CLVS2: variants seen among roughly 807,000 people sequenced by gnomAD.
CLVS2 encodes the protein clavesin 2.
A neutral mutation model predicts 29.0 loss-of-function variants in CLVS2; 19 were observed. The observed-to-expected ratio is 0.66, with a 90% CI of 0.46 to 0.96. The LOEUF is 0.96. Among genes scored for constraint, CLVS2 ranks in the 40% least tolerant of loss-of-function variants. The probability of loss-of-function intolerance (pLI) is 0.00; values close to 1 mark genes in which losing one functional copy is unlikely to be tolerated. For missense variants in CLVS2, 294 were observed against 404.1 expected (o/e 0.73, Z 2.34); for synonymous variants, 161 against 151.3 (o/e 1.06, Z -0.47).
chr6:123,053,554 A>G (rs948944685), intron 4 of CLVS2, among the ~76,000 whole-genome samples: 1 of 152,218 alleles, frequency 6.6e-6, no homozygotes, highest in Non-Finnish European at 1.5e-5. Context: ...AAGGACCTTG[A>G]CAAAAGTTGT....
intron 2 of CLVS2, among the ~76,000 whole-genome samples, chr6:123,005,085 G>A (rs992896061): frequency 1.1e-4 from 16 of 152,120 alleles, no homozygotes; most frequent in Middle Eastern, 3.4e-3. Context: ...TTTTTCCTAA[G>A]GTGATTTAAA....
chr6:123,015,537 T>C (rs2114313343), intron 3 of CLVS2, among the ~76,000 whole-genome samples: 1 of 152,224 alleles, frequency 6.6e-6, no homozygotes, highest in East Asian at 1.9e-4. Flanking sequence ...ATGTCTTTCA[T>C]GAATCTTGTT....
Position 123,068,350 on chromosome 6 carries a change from T to A in CLVS2, c.*4589T>A, listed in dbSNP as rs1349137020. The A allele has an allele frequency of 6.6e-6, 1 of 151,692 alleles. No homozygotes were observed. Among genetic ancestry groups the A allele is most frequent in the African/African-American group, 2.4e-5 (1 of 41,404 alleles). The allele number at this position is 151,692 out of a possible 1,614,324, so 9.4% of individuals were successfully genotyped here. On this transcript the variant is annotated 3_prime_UTR_variant, in exon 6 of 6. Transcript: ENST00000275162. ...TATTTGACTTAGATTTAAGTCTCAG[T>A]GCAAATATGTCTGTCCTTGATATAG...
At chr6:123,034,834 C>T (rs1417360199) in intron 3 of CLVS2, among the ~76,000 whole-genome samples, 2 of 151,982 alleles carry the variant, frequency 1.3e-5, no homozygotes, top group Admixed American at 1.3e-4. Flanking sequence ...GCAAGGGGTG[C>T]ATGGGACCAC....
intron 2 of CLVS2, among the ~76,000 whole-genome samples, chr6:123,001,023 CA>C (rs1774581795): frequency 6.6e-6 from 1 of 152,184 alleles, no homozygotes; most frequent in Non-Finnish European, 1.5e-5. Flanking sequence ...ATTGATCTAA[CA>C]AAAAGACTGT....
At chr6:123,012,638 A>G (rs867301696) in intron 3 of CLVS2, among the ~76,000 whole-genome samples, 14 of 152,024 alleles carry the variant, frequency 9.2e-5, no homozygotes, top group African/African-American at 3.4e-4. Flanking sequence ...TGTTAGCTGT[A>G]ACTACTATCA....
rs146155162 is a variant in CLVS2 at position 123,062,564 on chromosome 6, C to T, written c.897-1110C>T. 2.6e-3 allele frequency among the ~76,000 whole-genome samples: 396 copies of T among 152,132 alleles called. 1 individual carries two copies. The highest frequency in any genetic ancestry group is 8.7e-3 in the African/African-American group (363 of 41,524). The stretch of plus-strand genomic sequence containing the variant: ...ATGACACTTAGGAAACAAAATCTCT[C>T]AATTTTTTAATGCTTTCACCTTCAT... On this transcript the variant is annotated intron_variant, in intron 5 of 5. Transcript: ENST00000275162.
Position 123,048,752 on chromosome 6 carries a change from T to A in CLVS2, c.675+20T>A, listed in dbSNP as rs749899858. On this transcript the variant is annotated intron_variant, in intron 4 of 5. Transcript: ENST00000275162. ...AAAAGGGTATTCTTTTCTTTGATTTTTAATCCTTTCTCTTCCGCCATCCAA... is the reference window on the plus strand; with the variant it reads ...AAAAGGGTATTCTTTTCTTTGATTTATAATCCTTTCTCTTCCGCCATCCAA... 5 of 1,507,460 alleles carry A rather than the reference T, an allele frequency of 3.3e-6. No homozygotes were observed. In the South Asian group the frequency reaches 4.5e-5, roughly 14 times the overall value. 93.4% of individuals were successfully genotyped at this position (1,507,460 alleles called of 1,614,324 possible). A position where few individuals can be genotyped will look rare whatever the true frequency, so the allele number is the denominator to read the frequency against.
rs1772871996 is a variant in CLVS2 at position 123,066,950 on chromosome 6, C to T, written c.*3189C>T. The T allele has an allele frequency of 6.6e-6, 1 of 151,654 alleles. No homozygotes were observed. The highest frequency in any genetic ancestry group is 1.5e-5 in the Non-Finnish European group (1 of 67,738). 9.4% of individuals were successfully genotyped at this position (151,654 alleles called of 1,614,324 possible). A position where few individuals can be genotyped will look rare whatever the true frequency, so the allele number is the denominator to read the frequency against. ...GTACATGTTAATGATAAACGTGGCA[C>T]TAGGCTAAAACGATATACGAGTATT... On this transcript the variant is annotated 3_prime_UTR_variant, in exon 6 of 6. Transcript: ENST00000275162.
chr6:123,019,252 G>T (rs1774888521), intron 3 of CLVS2, among the ~76,000 whole-genome samples: 1 of 152,008 alleles, frequency 6.6e-6, no homozygotes, highest in Non-Finnish European at 1.5e-5. Flanking sequence ...GGAGGAATGG[G>T]TGGGCACCTG....
At chr6:123,004,318 C>G (rs1020119802) in intron 2 of CLVS2, among the ~76,000 whole-genome samples, 4 of 152,184 alleles carry the variant, frequency 2.6e-5, no homozygotes, top group African/African-American at 9.7e-5. Flanking sequence ...ATTTTGCCCG[C>G]AGATGTTTCA....
chr6:122,999,076 A>G (rs995418143), intron 2 of CLVS2, among the ~76,000 whole-genome samples: 11 of 152,222 alleles, frequency 7.2e-5, no homozygotes, highest in African/African-American at 2.7e-4. Context: ...GTTTCAATTA[A>G]GTTCAAAGTT....
intron 3 of CLVS2, among the ~76,000 whole-genome samples, chr6:123,047,628 A>C (rs1369728442): frequency 4.6e-5 from 7 of 152,212 alleles, no homozygotes; most frequent in African/African-American, 1.7e-4. Flanking sequence ...TTTAAATTGA[A>C]AAAATACAAT....
intron 3 of CLVS2, among the ~76,000 whole-genome samples, chr6:123,046,795 T>C (rs149665963): frequency 6.6e-6 from 1 of 152,262 alleles, no homozygotes; most frequent in African/African-American, 2.4e-5. Flanking sequence ...CTTTTTGCCA[T>C]AAAGTACCAA....
intron 5 of CLVS2, among the ~76,000 whole-genome samples, chr6:123,059,910 G>A (rs1772750605): frequency 6.6e-6 from 1 of 152,144 alleles, no homozygotes; most frequent in Non-Finnish European, 1.5e-5. Flanking sequence ...TTTCCTGCTG[G>A]TGTCATGGGC....
In CLVS2 at chr6:123,067,609, G is replaced by A. The variant is rs1354562790; in HGVS notation, c.*3848G>A. ...AATAAAATGAGCAGAGCTCTAGCAT[G>A]ATATTTGAACTTTCAGATATGGTAT... On this transcript the variant is annotated 3_prime_UTR_variant, in exon 6 of 6. Coordinates refer to ENST00000275162, the MANE Select transcript of CLVS2 (RefSeq NM_001010852.4). The A allele has an allele frequency of 6.6e-6, 1 of 151,746 alleles. No individual in the cohort carries two copies. Among genetic ancestry groups the A allele is most frequent in the Non-Finnish European group, 1.5e-5 (1 of 67,746 alleles). 9.4% of individuals were successfully genotyped at this position (151,746 alleles called of 1,614,324 possible).
intron 4 of CLVS2, among the ~76,000 whole-genome samples, chr6:123,053,377 A>C (rs1206513373): frequency 6.6e-6 from 1 of 152,148 alleles, no homozygotes; most frequent in Non-Finnish European, 1.5e-5. Context: ...AAAAGATATT[A>C]GGGCAATCAG....
intron 3 of CLVS2, among the ~76,000 whole-genome samples, chr6:123,021,381 G>C (rs142151621): frequency 1.3e-5 from 2 of 151,996 alleles, no homozygotes; most frequent in African/African-American, 4.8e-5. Flanking sequence ...ACGCAACCGG[G>C]AGGGGATCTT....
intron 3 of CLVS2, among the ~76,000 whole-genome samples, chr6:123,018,309 G>A (rs12213969): frequency 4.0e-5 from 6 of 151,770 alleles, no homozygotes; most frequent in African/African-American, 7.3e-5. Context: ...GCAAAACCTC[G>A]TTTTTTTCTC....
Sources: allele counts gnomAD v4.1 joint callset (sites outside exome capture counted in the v4.1 genomes callset), GRCh38; gene constraint gnomAD v4.1.1; transcripts MANE v1.5; gene names NCBI Gene and HGNC (gene_info 2026-07-23, HGNC 2026-07-21).